The following ZPLD1 variants were observed in gnomAD, a reference collection of about 807,000 sequenced individuals.
ZPLD1 encodes the protein zona pellucida-like domain-containing protein 1.
A neutral mutation model predicts 47.2 loss-of-function variants in ZPLD1; 34 were observed. The observed-to-expected ratio is 0.72, with a 90% confidence interval of 0.55 to 0.96. The LOEUF is 0.96. Ranked by LOEUF, ZPLD1 falls within the 40% of genes least tolerant of loss-of-function variation. The pLI is 0.00. For synonymous variants in ZPLD1, 176 were observed against 186.2 expected (o/e 0.95, Z 0.45); for missense variants, 512 against 505.8 (o/e 1.01, Z -0.12).
intron 8 of ZPLD1, among the ~76,000 whole-genome samples, chr3:102,428,907 C>A (rs866096713): frequency 1.1e-4 from 16 of 151,970 alleles, no homozygotes; most frequent in Admixed American, 2.6e-4. Context: ...GCTAAAAAAA[C>A]CAACACGCAT....
At chr3:102,385,965 T>C (rs1334141365) in intron 6 of ZPLD1, among the ~76,000 whole-genome samples, 1 of 152,174 alleles carries the variant, frequency 6.6e-6, no homozygotes, top group Non-Finnish European at 1.5e-5. Context: ...CTTCAACCTC[T>C]CTGCTCTCCA....
chr3:102,404,616 AT>A (rs555715902), intron 7 of ZPLD1, among the ~76,000 whole-genome samples: 1 of 151,922 alleles, frequency 6.6e-6, no homozygotes, highest in Non-Finnish European at 1.5e-5. Flanking sequence ...ATGATGGTGA[AT>A]TTTTCCCTTC....
At chr3:102,402,057 A>G (rs115558786) in intron 7 of ZPLD1, among the ~76,000 whole-genome samples, 1,934 of 152,120 alleles carry the variant, frequency 0.013, 41 homozygotes, top group African/African-American at 0.044. Context: ...TATTAGACCA[A>G]TAGTCCTTTC....
chr3:102,472,826 A>AAAAAGTATT (rs1707705254), intron 10 of ZPLD1, among the ~76,000 whole-genome samples: 2 of 152,196 alleles, frequency 1.3e-5, no homozygotes, highest in African/African-American at 4.8e-5. Context: ...GCCTATGCAA[A>AAAAAGTATT]ACTAAGTATT....
At chr3:102,421,813 A>G (rs1273437714) in intron 8 of ZPLD1, among the ~76,000 whole-genome samples, 5 of 151,978 alleles carry the variant, frequency 3.3e-5, no homozygotes, top group Non-Finnish European at 7.4e-5. Context: ...ACTTAAAAAA[A>G]AACTGAACCA....
intron 4 of ZPLD1, 47 bp from the exon 5 acceptor site, chr3:102,456,146 G>A (rs1212230012): frequency 3.3e-6 from 5 of 1,511,322 alleles, no homozygotes; most frequent in Non-Finnish European, 4.5e-6. Context: ...GTGCCTAGAT[G>A]TATATATAGC....
At chr3:102,445,974 A>G (rs1264563065) in intron 3 of ZPLD1, among the ~76,000 whole-genome samples, 6 of 152,214 alleles carry the variant, frequency 3.9e-5, no homozygotes, top group African/African-American at 1.4e-4. Flanking sequence ...TTTGATGTTC[A>G]TTGAAAACTG....
chr3:102,407,003 T>G (rs1325256025), intron 7 of ZPLD1, among the ~76,000 whole-genome samples: 1 of 151,906 alleles, frequency 6.6e-6, no homozygotes, highest in African/African-American at 2.4e-5. Flanking sequence ...AAGTGGATGA[T>G]GCTTAACAAG....
chr3:102,476,931 A>G (rs939194473), intron 10 of ZPLD1, 81 bp from the exon 11 acceptor site: 6 of 1,490,582 alleles, frequency 4.0e-6, no homozygotes, highest in South Asian at 2.3e-5. Context: ...TGTAGGTACA[A>G]TGTAATTATT....
At chr3:102,431,304 A>G, upstream of ZPLD1, among the ~76,000 whole-genome samples, 1 of 152,244 alleles carries the variant, frequency 6.6e-6, no homozygotes, top group Non-Finnish European at 1.5e-5. Context: ...CTTAAGAGCC[A>G]TAAAATTTCT....
Position 102,470,422 on chromosome 3 carries a change from C to T in ZPLD1, c.962C>T (p.Ala321Val). ...PICSHRERRDAGRRTTWSPQS... is the reference protein window; with the variant it reads ...PICSHRERRDVGRRTTWSPQS... The stretch of plus-strand genomic sequence containing the variant: ...TGCAGCCACAGAGAAAGGAGAGATG[C>T]TGGGAGGAGGACGACTTGGAGCCCC... The change falls in exon 10 of 12, where the codon GCT becomes GTT. Residue 321 changes from alanine (A) to valine (V), a missense_variant. By Grantham distance (64) the Ala-to-Val change is moderately conservative. Coordinates refer to ENST00000466937, the MANE Select transcript of ZPLD1 (RefSeq NM_001329788.2). 1 of 1,614,048 alleles carries T rather than the reference C, an allele frequency of 6.2e-7. No individual in the cohort carries two copies. The highest frequency in any genetic ancestry group is 8.5e-7 in the Non-Finnish European group (1 of 1,179,986).
At chr3:102,440,399 G>T (rs1282435033) in intron 3 of ZPLD1, among the ~76,000 whole-genome samples, 2 of 152,138 alleles carry the variant, frequency 1.3e-5, no homozygotes, top group Admixed American at 1.3e-4. Flanking sequence ...TTTGGTTTGG[G>T]AGGTGAGAGA....
chr3:102,453,563 G>A (rs1282800908), intron 4 of ZPLD1, among the ~76,000 whole-genome samples: 1 of 152,204 alleles, frequency 6.6e-6, no homozygotes, highest in African/African-American at 2.4e-5. Context: ...AAGATAGAAT[G>A]GGAAGCTTGT....
At chr3:102,466,025 C>G (rs1707586353) in intron 8 of ZPLD1, among the ~76,000 whole-genome samples, 1 of 152,088 alleles carries the variant, frequency 6.6e-6, no homozygotes, top group Admixed American at 6.5e-5. Context: ...GAAGAAAAAA[C>G]AGTAGAGAAT....
intron 7 of ZPLD1, among the ~76,000 whole-genome samples, chr3:102,399,928 C>T (rs1706600648): frequency 6.6e-6 from 1 of 152,076 alleles, no homozygotes; most frequent in Admixed American, 6.5e-5. Flanking sequence ...AAGCAATTCT[C>T]GTGCCTCAGT....
intron 2 of ZPLD1, among the ~76,000 whole-genome samples, chr3:102,437,999 G>C (rs1707117480): frequency 1.3e-5 from 2 of 152,260 alleles, no homozygotes; most frequent in South Asian, 4.2e-4. Context: ...TCTGTTTTCT[G>C]TTAAGGGAAA....
Position 102,478,482 on chromosome 3 carries a change from A to AGAACATTATCATCAGCTCATAAGCATACG in ZPLD1, c.*865_*866insAACATTATCATCAGCTCATAAGCATACGG, listed in dbSNP as rs138641254. ...GAAAACAAGCTGTAGTTGTGAAAAG[A>AGAACATTATCATCAGCTCATAAGCATACG]GTTCCTAGAAGGGTTTTTAACAATT... On this transcript the variant is annotated 3_prime_UTR_variant, in exon 12 of 12. Coordinates refer to ENST00000466937, the MANE Select transcript of ZPLD1 (RefSeq NM_001329788.2). The AGAACATTATCATCAGCTCATAAGCATACG allele has an allele frequency of 1.3e-5, 2 of 151,700 alleles. No individual in the cohort carries two copies. Among genetic ancestry groups the AGAACATTATCATCAGCTCATAAGCATACG allele is most frequent in the African/African-American group, 4.8e-5 (2 of 41,304 alleles). 9.4% of individuals were successfully genotyped at this position (151,700 alleles called of 1,614,324 possible).
chr3:102,470,112 A>C (rs1167446994), intron 9 of ZPLD1, among the ~76,000 whole-genome samples: 1 of 152,194 alleles, frequency 6.6e-6, no homozygotes, highest in East Asian at 1.9e-4. Flanking sequence ...AAATAAAAGT[A>C]GAAAAGTTTG....
chr3:102,467,860 C>T (rs1338133445), intron 8 of ZPLD1, among the ~76,000 whole-genome samples: 1 of 151,628 alleles, frequency 6.6e-6, no homozygotes, highest in African/African-American at 2.4e-5. Flanking sequence ...CACACACACA[C>T]ACACACACAC....
Sources: allele counts gnomAD v4.1 joint callset (sites outside exome capture counted in the v4.1 genomes callset), GRCh38; gene constraint gnomAD v4.1.1; transcripts MANE v1.5; gene names NCBI Gene and HGNC (gene_info 2026-07-23, HGNC 2026-07-21).